TMEM62: variants seen among roughly 807,000 people sequenced by gnomAD.
TMEM62 encodes the protein transmembrane protein 62.
Under a neutral mutation model 70.4 loss-of-function variants are expected in TMEM62, and 41 were observed. The observed-to-expected ratio is 0.58, with a 90% CI of 0.45 to 0.76. The LOEUF is 0.76. Ranked by LOEUF, TMEM62 falls within the 30% of genes least tolerant of loss-of-function variation. The pLI, the probability that TMEM62 is intolerant of heterozygous loss-of-function variation, is 0.00. For missense variants in TMEM62, 688 were observed against 788.5 expected (o/e 0.87, Z 1.53); for synonymous variants, 268 against 291.0 (o/e 0.92, Z 0.80).
intron 4 of TMEM62, among the ~76,000 whole-genome samples, chr15:43,139,490 A>T (rs1002183119): frequency 6.6e-6 from 1 of 152,246 alleles, no homozygotes. Context: ...GGCTGTTGAA[A>T]GGCTTTCAGA....
At chr15:43,170,894 T>A (rs2040116051) in intron 11 of TMEM62, among the ~76,000 whole-genome samples, 1 of 152,188 alleles carries the variant, frequency 6.6e-6, no homozygotes, top group African/African-American at 2.4e-5. Context: ...ATTTCCTGGT[T>A]ATATGGGCAA....
chr15:43,170,217 G>A (rs2040038756), intron 11 of TMEM62, among the ~76,000 whole-genome samples: 2 of 152,102 alleles, frequency 1.3e-5, no homozygotes, highest in South Asian at 4.1e-4. Context: ...CATTAATGAT[G>A]GTCTGTTGTT....
chr15:43,173,612 TTTAAG>T (rs1487113159), intron 11 of TMEM62, among the ~76,000 whole-genome samples: 2 of 152,232 alleles, frequency 1.3e-5, no homozygotes, highest in African/African-American at 2.4e-5. Flanking sequence ...TTATCCCTAC[TTTAAG>T]TTATTTTTCT....
At chr15:43,171,614 CTTTTTTT>C (rs751979920) in intron 11 of TMEM62, among the ~76,000 whole-genome samples, 9 of 115,000 alleles carry the variant, frequency 7.8e-5, no homozygotes, top group Non-Finnish European at 1.0e-4. Flanking sequence ...TTAATAAAAA[CTTTTTTT>C]TTTTTTTTTT....
rs765308558 is a variant in TMEM62 at position 43,149,085 on chromosome 15, T to C, written c.800T>C (p.Val267Ala). The change falls in exon 7 of 14, where the codon GTT (valine) becomes GCT (alanine). Residue 267 changes from valine (V) to alanine (A), a missense_variant. Transcript: ENST00000260403. ...HLHTLGGLMPVLHTRHFQGTL... is the reference protein window; with the variant it reads ...HLHTLGGLMPALHTRHFQGTL... The stretch of plus-strand genomic sequence containing the variant: ...CATACACTTGGTGGACTGATGCCTG[T>C]TTTGCACACTCGTCACTTCCAGGGC... 5 of 1,614,114 alleles carry C rather than the reference T, an allele frequency of 3.1e-6. No individual in the cohort carries two copies. The highest frequency in any genetic ancestry group is 1.7e-5 in the Admixed American group (1 of 60,022).
chr15:43,158,886 G>A (rs1385155198), intron 9 of TMEM62, among the ~76,000 whole-genome samples: 3 of 152,060 alleles, frequency 2.0e-5, no homozygotes, highest in Non-Finnish European at 4.4e-5. Context: ...ATATATTGAT[G>A]TATAAAAAAT....
chr15:43,180,611 GCATTCC>G (rs2041242171), intron 12 of TMEM62: 1 of 152,218 alleles, frequency 6.6e-6, no homozygotes, highest in African/African-American at 2.4e-5. Flanking sequence ...AGTCAGCATG[GCATTCC>G]AGATGAGAAA....
At chr15:43,174,217 G>A (rs770738647) in intron 11 of TMEM62, among the ~76,000 whole-genome samples, 1 of 152,018 alleles carries the variant, frequency 6.6e-6, no homozygotes, top group Non-Finnish European at 1.5e-5. Context: ...ACAGCCCCCA[G>A]CACCAAATTT....
intron 11 of TMEM62, among the ~76,000 whole-genome samples, chr15:43,175,158 T>C (rs1425063179): frequency 6.6e-6 from 1 of 152,196 alleles, no homozygotes; most frequent in Non-Finnish European, 1.5e-5. Flanking sequence ...AAGGATTTTT[T>C]AAAATAATAA....
At position 43,184,393 on chromosome 15, in the gene TMEM62, T is replaced by C. The variant is rs1457586311; in HGVS notation, c.1739T>C (p.Leu580Pro). The C allele has an allele frequency of 1.2e-6, 2 of 1,614,260 alleles. No individual in the cohort carries two copies. The highest frequency in any genetic ancestry group is 2.2e-5 in the South Asian group (2 of 91,082). ...ATTATGCCTGTTCACCTACTTATGC[T>C]ACTGCTGTACATCTGGCAGGTTTAT... ...LKIMPVHLLM[L>P]LLYIWQVYSC... Residue 580 changes from leucine (L) to proline (P), a missense_variant, in exon 14 of 14, where the codon CTA (leucine) becomes CCA (proline). By Grantham distance (98) the Leu-to-Pro change is moderately conservative (BLOSUM62 -3). Coordinates refer to ENST00000260403, the MANE Select transcript of TMEM62 (RefSeq NM_024956.4).
chr15:43,181,318 A>G lies in TMEM62; in HGVS notation c.1605+19A>G, dbSNP rs1248029865. 6.6e-7 allele frequency: 1 copy of G among 1,519,348 alleles called. No individual in the cohort carries two copies. Among genetic ancestry groups the G allele is most frequent in the Non-Finnish European group, 9.1e-7 (1 of 1,094,414 alleles). The allele number at this position is 1,519,348 out of a possible 1,614,324, so 94.1% of individuals were successfully genotyped here. The stretch of plus-strand genomic sequence containing the variant: ...TCTCCAGGTAAGAAGTCAGAAAAGC[A>G]ATTTAAGAACATCTTGGACTTGTCA... On this transcript the variant is annotated intron_variant, in intron 13 of 13. Transcript: ENST00000260403.
At chr15:43,168,211 G>A (rs1337936962) in intron 10 of TMEM62, among the ~76,000 whole-genome samples, 1 of 150,212 alleles carries the variant, frequency 6.7e-6, no homozygotes, top group African/African-American at 2.5e-5. Context: ...GAGGGAGAGG[G>A]AGAGGGGTCT....
intron 4 of TMEM62, among the ~76,000 whole-genome samples, chr15:43,145,060 C>T (rs1306367886): frequency 7.5e-6 from 1 of 133,302 alleles, no homozygotes; most frequent in Non-Finnish European, 1.5e-5. Flanking sequence ...GCCAAGATCG[C>T]GTCACTGCAC....
chr15:43,158,597 C>A (rs1274353071), intron 9 of TMEM62, among the ~76,000 whole-genome samples: 4 of 152,148 alleles, frequency 2.6e-5, no homozygotes, highest in African/African-American at 9.7e-5. Context: ...ATGATACTTA[C>A]CTAAATCCAT....
In TMEM62 at chr15:43,138,581, C is replaced by G. The variant is rs555772767; in HGVS notation, c.438C>G (p.Phe146Leu). 4.5e-6 allele frequency: 7 copies of G among 1,565,292 alleles called. No individual in the cohort carries two copies. Among genetic ancestry groups the G allele is most frequent in the Non-Finnish European group, 6.1e-6 (7 of 1,146,994 alleles). The change falls in exon 4 of 14, where the codon TTC becomes TTG. Residue 146 changes from phenylalanine to leucine, a missense_variant. Physicochemically the swap from Phe to Leu is conservative, Grantham distance 22. Coordinates refer to ENST00000260403, the MANE Select transcript of TMEM62 (RefSeq NM_024956.4). ...TTTTTTTTTTTAAATTAGATGCATT[C>G]AATATTCCAAGTCTGGACAGCATCA... ...WLDIKGNHDA[F>L]NIPSLDSIKN...
chr15:43,155,415 G>A (rs1231584982), intron 9 of TMEM62, among the ~76,000 whole-genome samples: 1 of 152,176 alleles, frequency 6.6e-6, no homozygotes, highest in Non-Finnish European at 1.5e-5. Context: ...AGGATCGCTT[G>A]AGCCCAGGAG....
At chr15:43,138,467 G>A in intron 3 of TMEM62, 107 bp from the exon 4 acceptor site, 1 of 914,648 alleles carries the variant, frequency 1.1e-6, no homozygotes, top group Non-Finnish European at 1.7e-6. Flanking sequence ...GGTGTGTGTG[G>A]AAGAATTGTT....
At chr15:43,177,490 C>T (rs1299995797) in intron 11 of TMEM62, among the ~76,000 whole-genome samples, 1 of 152,052 alleles carries the variant, frequency 6.6e-6, no homozygotes, top group African/African-American at 2.4e-5. Flanking sequence ...ACCCAGCCAT[C>T]CCATTACTGG....
chr15:43,150,293 C>A (rs1405948170), intron 7 of TMEM62, among the ~76,000 whole-genome samples: 1 of 152,166 alleles, frequency 6.6e-6, no homozygotes, highest in African/African-American at 2.4e-5. Context: ...AGGCTGTGGG[C>A]TGGGCTATGA....
Sources: gnomAD v4.1 joint callset for allele counts (sites outside exome capture counted in the v4.1 genomes callset) on GRCh38, gnomAD v4.1.1 for gene constraint, MANE v1.5 for transcripts, NCBI Gene and HGNC (gene_info 2026-07-23, HGNC 2026-07-21) for gene names.